NPSR1: variants seen among roughly 807,000 people sequenced by gnomAD.
NPSR1 encodes the protein neuropeptide S receptor.
In NPSR1, 48 loss-of-function variants were observed where a neutral mutation model predicts 46.9. That is an observed-to-expected ratio of 1.02 (90% CI 0.81 to 1.30). The LOEUF (loss-of-function observed/expected upper bound fraction) is 1.30. Among genes scored for constraint, NPSR1 ranks in the 50% most tolerant of loss-of-function variants. The pLI is 0.00. For missense variants in NPSR1, 450 were observed against 449.5 expected, an observed-to-expected ratio of 1.00 and a Z score of -0.01; for synonymous variants, 176 against 168.1, an observed-to-expected ratio of 1.05 and a Z score of -0.36.
intron 6 of NPSR1, 145 bp downstream of exon 6, chr7:34,834,605 G>A (rs1384135413): frequency 7.7e-6 from 5 of 650,052 alleles, no homozygotes; most frequent in African/African-American, 5.4e-5. Context: ...ACCCACCAAA[G>A]GCTGTCACAG....
At chr7:34,785,290 C>T (rs1160905126) in intron 3 of NPSR1, among the ~76,000 whole-genome samples, 1 of 148,310 alleles carries the variant, frequency 6.7e-6, no homozygotes, top group Non-Finnish European at 1.5e-5. Flanking sequence ...GACAAAAAGC[C>T]AAACATCGCA....
intron 8 of NPSR1, among the ~76,000 whole-genome samples, chr7:34,860,640 C>G (rs574825299): frequency 4.6e-5 from 7 of 151,910 alleles, no homozygotes; most frequent in Admixed American, 4.6e-4. Context: ...TCAGTCTTCA[C>G]AAATATGTGG....
intron 4 of NPSR1, among the ~76,000 whole-genome samples, chr7:34,814,345 G>A (rs754411920): frequency 1.5e-4 from 23 of 152,344 alleles, no homozygotes; most frequent in South Asian, 1.0e-3. Flanking sequence ...GGGGAGGAGC[G>A]TCCACCATTG....
At position 34,876,424 on chromosome 7, in the gene NPSR1, C is replaced by T. The variant is rs1307824730; in HGVS notation, c.1026-1652C>T. 3.9e-5 allele frequency among the ~76,000 whole-genome samples: 6 copies of T among 152,284 alleles called. No individual in the cohort carries two copies. In the South Asian group the frequency reaches 1.2e-3, roughly 32 times the overall value. ...AAATGAAGCATAGGAAAGTACTTAGCACAGTTCTTGACACATAAACTGTGA... is the reference window on the plus strand; with the variant it reads ...AAATGAAGCATAGGAAAGTACTTAGTACAGTTCTTGACACATAAACTGTGA... On this transcript the variant is annotated intron_variant, in intron 8 of 8. Transcript: ENST00000359791.
intron 1 of NPSR1, among the ~76,000 whole-genome samples, chr7:34,679,808 A>T (rs982530643): frequency 4.6e-5 from 7 of 152,308 alleles, no homozygotes; most frequent in African/African-American, 1.7e-4. Flanking sequence ...AAATTAGTAT[A>T]GAAATCATTT....
downstream of NPSR1, among the ~76,000 whole-genome samples, chr7:34,853,604 G>C (rs886567928): frequency 4.6e-5 from 7 of 152,162 alleles, no homozygotes; most frequent in Admixed American, 4.6e-4. Flanking sequence ...ATATCAGCTG[G>C]TCTCATGGTT....
At chr7:34,713,906 A>G (rs1783424588) in intron 2 of NPSR1, among the ~76,000 whole-genome samples, 1 of 152,236 alleles carries the variant, frequency 6.6e-6, no homozygotes, top group African/African-American at 2.4e-5. Context: ...TCACATGAAC[A>G]TGTGTCCTTG....
chr7:34,707,232 T>A (rs1794157289), intron 2 of NPSR1, among the ~76,000 whole-genome samples: 1 of 152,208 alleles, frequency 6.6e-6, no homozygotes, highest in Non-Finnish European at 1.5e-5. Flanking sequence ...CCAGAACTGA[T>A]CTGGTTCTAA....
At chr7:34,810,997 G>T (rs113123053) in intron 3 of NPSR1, among the ~76,000 whole-genome samples, 1 of 152,292 alleles carries the variant, frequency 6.6e-6, no homozygotes, top group Non-Finnish European at 1.5e-5. Context: ...CAGAAGGGTA[G>T]GTGCAGGAGC....
intron 2 of NPSR1, among the ~76,000 whole-genome samples, chr7:34,762,639 G>A (rs556768636): frequency 1.1e-4 from 16 of 152,106 alleles, no homozygotes; most frequent in Admixed American, 4.6e-4. Context: ...ATACACACTC[G>A]CTTTAAAAAC....
At chr7:34,750,275 G>C (rs1785452502) in intron 2 of NPSR1, 2 of 680,554 alleles carry the variant, frequency 2.9e-6, no homozygotes, top group African/African-American at 3.5e-5. Context: ...GCGAGCTGAT[G>C]CTCTGAGAAT....
downstream of NPSR1, among the ~76,000 whole-genome samples, chr7:34,850,313 A>G (rs2128765652): frequency 6.6e-6 from 1 of 152,184 alleles, no homozygotes; most frequent in East Asian, 1.9e-4. Flanking sequence ...TGGTTCTGAT[A>G]GAAAACAAGT....
intron 4 of NPSR1, among the ~76,000 whole-genome samples, chr7:34,825,666 C>A (rs1562757589): frequency 6.6e-6 from 1 of 152,150 alleles, no homozygotes; most frequent in Non-Finnish European, 1.5e-5. Flanking sequence ...ACCAGCAAGA[C>A]CCCACAGGAT....
intron 2 of NPSR1, among the ~76,000 whole-genome samples, chr7:34,743,378 A>C (rs1021169317): frequency 6.6e-6 from 1 of 151,208 alleles, no homozygotes; most frequent in Non-Finnish European, 1.5e-5. Context: ...CTTGCCAGTT[A>C]TCTCAGCACT....
chr7:34,864,788 TG>T (rs1164836584), intron 8 of NPSR1, among the ~76,000 whole-genome samples: 1 of 151,832 alleles, frequency 6.6e-6, no homozygotes, highest in Non-Finnish European at 1.5e-5. Context: ...CTAACAAATG[TG>T]ACTTGTGCCT....
chr7:34,844,675 C>T (rs888573295), intron 6 of NPSR1, among the ~76,000 whole-genome samples: 2 of 152,158 alleles, frequency 1.3e-5, no homozygotes, highest in African/African-American at 4.8e-5. Context: ...TCTGAGCATT[C>T]CATACCATTT....
intron 2 of NPSR1, among the ~76,000 whole-genome samples, chr7:34,721,803 TA>T (rs1471950352): frequency 6.6e-6 from 1 of 152,150 alleles, no homozygotes; most frequent in East Asian, 1.9e-4. Context: ...ATTAAATGCT[TA>T]AAAATAGTTA....
chr7:34,663,096 G>A (rs1220634295), intron 1 of NPSR1, among the ~76,000 whole-genome samples: 2 of 37,426 alleles, frequency 5.3e-5, no homozygotes, highest in South Asian at 9.9e-4. Context: ...TGTGTGTGGC[G>A]GGGGGGAGTG....
At chr7:34,835,341 C>T (rs982961259) in intron 6 of NPSR1, among the ~76,000 whole-genome samples, 1 of 152,186 alleles carries the variant, frequency 6.6e-6, no homozygotes, top group African/African-American at 2.4e-5. Context: ...CTTATATGCA[C>T]TCACACAAGG....
Sources: allele counts gnomAD v4.1 joint callset (sites outside exome capture counted in the v4.1 genomes callset), GRCh38; gene constraint gnomAD v4.1.1; transcripts MANE v1.5; gene names NCBI Gene and HGNC (gene_info 2026-07-23, HGNC 2026-07-21).